LRRC1: variants seen among roughly 807,000 people sequenced by gnomAD.
The protein encoded by LRRC1 is leucine-rich repeat-containing protein 1.
A neutral mutation model predicts 69.9 loss-of-function variants in LRRC1; 28 were observed. The observed-to-expected ratio is 0.40, with a 90% confidence interval of 0.30 to 0.55. LRRC1 has a LOEUF of 0.55. Among genes scored for constraint, LRRC1 ranks in the 20% least tolerant of loss-of-function variants. LRRC1 has a pLI of 0.47. For missense variants in LRRC1, 498 were observed against 609.0 expected, an observed-to-expected ratio of 0.82 and a Z score of 1.92; for synonymous variants, 236 against 240.2, an observed-to-expected ratio of 0.98 and a Z score of 0.16.
chr6:53,821,808 G>A (rs958574972), intron 1 of LRRC1, among the ~76,000 whole-genome samples: 1 of 151,594 alleles, frequency 6.6e-6, no homozygotes, highest in Non-Finnish European at 1.5e-5. Flanking sequence ...ATTTACAGAT[G>A]CAACATTGTG....
chr6:53,895,080 G>A lies in LRRC1; in HGVS notation c.447-1418G>A, dbSNP rs2127435196. Reference sequence around the variant, plus strand: ...CTACAGGCGCCCGCCACCACGCCCGGCTAATTTTTTGTATTTTTAGTAGAG... The same window carrying A: ...CTACAGGCGCCCGCCACCACGCCCGACTAATTTTTTGTATTTTTAGTAGAG... On this transcript the variant is annotated intron_variant, in intron 4 of 13. Transcript: ENST00000370888. 2.0e-5 allele frequency among the ~76,000 whole-genome samples: 3 copies of A among 152,182 alleles called. No homozygotes were observed. The South Asian group carries it at 6.2e-4, about 32-fold the overall frequency.
intron 1 of LRRC1, among the ~76,000 whole-genome samples, chr6:53,809,614 A>G (rs1433010191): frequency 6.6e-6 from 1 of 152,166 alleles, no homozygotes; most frequent in African/African-American, 2.4e-5. Context: ...TGTGTACTTT[A>G]TTTAGTTTTT....
intron 10 of LRRC1, among the ~76,000 whole-genome samples, chr6:53,911,388 A>T (rs950989558): frequency 6.6e-6 from 1 of 152,196 alleles, no homozygotes; most frequent in Admixed American, 6.5e-5. Context: ...GTATAGCAGT[A>T]GGGCCCCAAA....
At chr6:53,809,156 C>G (rs1177941684) in intron 1 of LRRC1, among the ~76,000 whole-genome samples, 1 of 152,182 alleles carries the variant, frequency 6.6e-6, no homozygotes, top group Non-Finnish European at 1.5e-5. Flanking sequence ...CTATTATATA[C>G]TATTTTTTCC....
rs981170694 is a variant in LRRC1, at chr6:53,830,798, A to G, written c.160-11312A>G. Reference sequence around the variant, plus strand: ...TGGTTAGGTTGGTGCAAAAGTAATTACGGTTTTTGCCATTATCTTCAATGG... The same window carrying G: ...TGGTTAGGTTGGTGCAAAAGTAATTGCGGTTTTTGCCATTATCTTCAATGG... On this transcript the variant is annotated intron_variant, in intron 1 of 13. Transcript: ENST00000370888. Among the ~76,000 whole-genome samples the G allele has an allele frequency of 2.6e-5, 4 of 151,794 alleles. No individual in the cohort carries two copies. The South Asian group carries it at 8.3e-4, about 32-fold the overall frequency.
intron 1 of LRRC1, among the ~76,000 whole-genome samples, chr6:53,816,277 T>G (rs975759552): frequency 6.6e-6 from 1 of 152,222 alleles, no homozygotes. Flanking sequence ...ATTTCCTGAT[T>G]CTTGGCTTGG....
intron 1 of LRRC1, among the ~76,000 whole-genome samples, chr6:53,808,215 G>A (rs191193839): frequency 6.6e-5 from 10 of 152,300 alleles, no homozygotes; most frequent in Admixed American, 6.5e-5. Flanking sequence ...TGCTGGTGAC[G>A]TTGACTGTGG....
chr6:53,885,590 G>A (rs1384303084), intron 4 of LRRC1, among the ~76,000 whole-genome samples: 2 of 152,094 alleles, frequency 1.3e-5, no homozygotes, highest in Admixed American at 1.3e-4. Flanking sequence ...CATTAGCATT[G>A]GCCTCTCAAG....
At chr6:53,902,827 G>A in intron 9 of LRRC1, 80 bp downstream of exon 9, 1 of 875,784 alleles carries the variant, frequency 1.1e-6, no homozygotes, top group Non-Finnish European at 1.8e-6. Flanking sequence ...GGACTAAATG[G>A]AAATTTCTTC....
At chr6:53,803,146 C>G (rs1372358178) in intron 1 of LRRC1, among the ~76,000 whole-genome samples, 1 of 152,186 alleles carries the variant, frequency 6.6e-6, no homozygotes, top group East Asian at 1.9e-4. Flanking sequence ...AAAACGGACC[C>G]TTTACCACAG....
chr6:53,800,772 TGGGATTACAGGC>T (rs1420077579), intron 1 of LRRC1, among the ~76,000 whole-genome samples: 1 of 151,856 alleles, frequency 6.6e-6, no homozygotes, highest in Non-Finnish European at 1.5e-5. Context: ...CCTGAGTAGC[TGGGATTACAGGC>T]GTGTGCCACC....
chr6:53,812,487 G>A lies in LRRC1; in HGVS notation c.159+17072G>A, dbSNP rs982148863. On this transcript the variant is annotated intron_variant, in intron 1 of 13. Coordinates refer to ENST00000370888, the MANE Select transcript of LRRC1 (RefSeq NM_018214.5). Reference sequence around the variant, plus strand: ...GGGCGGATCACGAGGTCAGGAGATCGAGACCATCCTGGCTAACACGGTGAA... The same window carrying A: ...GGGCGGATCACGAGGTCAGGAGATCAAGACCATCCTGGCTAACACGGTGAA... 9.3e-5 allele frequency among the ~76,000 whole-genome samples: 14 copies of A among 150,758 alleles called. 1 individual carries two copies. In the South Asian group the frequency reaches 1.7e-3, roughly 18 times the overall value.
intron 1 of LRRC1, among the ~76,000 whole-genome samples, chr6:53,809,589 C>A (rs1232983055): frequency 6.6e-6 from 1 of 152,188 alleles, no homozygotes; most frequent in Non-Finnish European, 1.5e-5. Context: ...GTAAATACAG[C>A]AGAAGATATT....
At chr6:53,882,090 T>G (rs1767309886) in intron 3 of LRRC1, among the ~76,000 whole-genome samples, 1 of 152,214 alleles carries the variant, frequency 6.6e-6, no homozygotes, top group Admixed American at 6.5e-5. Context: ...GGCTCACACC[T>G]GTAATCCCAG....
At chr6:53,831,195 C>G (rs1765418086) in intron 1 of LRRC1, among the ~76,000 whole-genome samples, 1 of 151,928 alleles carries the variant, frequency 6.6e-6, no homozygotes, top group South Asian at 2.1e-4. Flanking sequence ...CATTGTATTT[C>G]TGAATACCTG....
At chr6:53,839,388 T>G (rs552269587) in intron 1 of LRRC1, among the ~76,000 whole-genome samples, 53 of 152,286 alleles carry the variant, frequency 3.5e-4, no homozygotes, top group Middle Eastern at 3.4e-3. Flanking sequence ...ATTTGGAGCA[T>G]CCTGTAATCT....
chr6:53,910,674 G>A (rs191864563), intron 10 of LRRC1, among the ~76,000 whole-genome samples: 18 of 152,190 alleles, frequency 1.2e-4, no homozygotes, highest in Admixed American at 8.5e-4. Flanking sequence ...TATGATAGGC[G>A]CCAAATTATA....
intron 10 of LRRC1, among the ~76,000 whole-genome samples, chr6:53,907,925 A>C (rs891615291): frequency 6.6e-5 from 10 of 152,170 alleles, no homozygotes; most frequent in Non-Finnish European, 4.4e-5. Context: ...TGTCGGCACA[A>C]ATCTGTCTCT....
At chr6:53,805,927 C>A (rs951478307) in intron 1 of LRRC1, among the ~76,000 whole-genome samples, 1 of 152,220 alleles carries the variant, frequency 6.6e-6, no homozygotes, top group Non-Finnish European at 1.5e-5. Flanking sequence ...CTCCGCCTAC[C>A]CCCACCACCT....
Sources: gnomAD v4.1 joint callset for allele counts (sites outside exome capture counted in the v4.1 genomes callset) on GRCh38, gnomAD v4.1.1 for gene constraint, MANE v1.5 for transcripts, NCBI Gene and HGNC (gene_info 2026-07-23, HGNC 2026-07-21) for gene names.